The following PUS10 variants were observed in gnomAD, a reference collection of about 807,000 sequenced individuals.
PUS10 encodes tRNA pseudouridine synthase Pus10.
A neutral mutation model predicts 75.0 loss-of-function variants in PUS10; 59 were observed. That is an observed-to-expected ratio of 0.79 (90% confidence interval 0.64 to 0.98). The LOEUF (loss-of-function observed/expected upper bound fraction) is 0.98, where lower values mean the gene tolerates loss of function less well. Among genes scored for constraint, PUS10 ranks in the 50% least tolerant of loss-of-function variants. PUS10 has a pLI of 0.00. For missense variants in PUS10, 650 were observed against 614.4 expected, an observed-to-expected ratio of 1.06 and a Z score of -0.61; for synonymous variants, 219 against 211.6, an observed-to-expected ratio of 1.03 and a Z score of -0.30.
intron 17 of PUS10, among the ~76,000 whole-genome samples, chr2:60,944,703 T>A (rs989521788): frequency 1.3e-5 from 2 of 152,300 alleles, no homozygotes; most frequent in South Asian, 4.1e-4. Context: ...TGCTTTAAAG[T>A]CTTTATAAAA....
intron 3 of PUS10, among the ~76,000 whole-genome samples, chr2:61,008,389 G>A (rs1219065117): frequency 6.6e-6 from 1 of 152,106 alleles, no homozygotes; most frequent in African/African-American, 2.4e-5. Flanking sequence ...CAGGCATGAG[G>A]CTGAGGCAGG....
intron 12 of PUS10, 128 bp downstream of exon 12, chr2:60,954,890 C>G (rs1675554762): frequency 1.9e-6 from 1 of 524,716 alleles, no homozygotes; most frequent in Non-Finnish European, 3.3e-6. Flanking sequence ...CACAAAGCTT[C>G]CTCCCTTGGA....
chr2:61,012,936 G>T (rs1679722469), intron 1 of PUS10, among the ~76,000 whole-genome samples: 1 of 137,598 alleles, frequency 7.3e-6, no homozygotes, highest in African/African-American at 2.7e-5. Context: ...CCACCTTTCT[G>T]AGTAAAAACT....
At chr2:61,006,744 C>G (rs1205104235) in intron 3 of PUS10, 101 bp from the exon 4 acceptor site, 1 of 812,688 alleles carries the variant, frequency 1.2e-6, no homozygotes, top group Non-Finnish European at 1.9e-6. Flanking sequence ...GATGACATGG[C>G]AAAACTTCCA....
chr2:60,971,703 C>G, intron 4 of PUS10, 146 bp from the exon 5 acceptor site: 1 of 719,732 alleles, frequency 1.4e-6, no homozygotes, highest in Non-Finnish European at 2.4e-6. Flanking sequence ...AAAAATTTAC[C>G]AGTGACCTCA....
At chr2:60,952,525 C>G (rs1381177449) in intron 15 of PUS10, among the ~76,000 whole-genome samples, 2 of 152,086 alleles carry the variant, frequency 1.3e-5, no homozygotes, top group African/African-American at 4.8e-5. Flanking sequence ...TATTTAATCT[C>G]AGCATCAGTT....
At chr2:61,017,644 G>C (rs917510995) in intron 1 of PUS10, 1 of 746,120 alleles carries the variant, frequency 1.3e-6, no homozygotes, top group South Asian at 1.7e-5. Flanking sequence ...TGACTGCAAG[G>C]GTGGGCGGGG....
Position 60,953,792 on chromosome 2 carries a change from A to G in PUS10, c.1190+141T>C, listed in dbSNP as rs938561406. 1.1e-5 allele frequency: 7 copies of G among 664,438 alleles called. No homozygotes were observed. In the South Asian group the frequency reaches 1.3e-4, roughly 12 times the overall value. 41.2% of individuals were successfully genotyped at this position (664,438 alleles called of 1,614,324 possible). On this transcript the variant is annotated intron_variant, in intron 14 of 17. Transcript: ENST00000316752. The stretch of plus-strand genomic sequence containing the variant: ...CTATTCCTATATCCTCCTTGGAGAA[A>G]TGTCTACTTAATCATTTCCCCATTT...
intron 2 of PUS10, 111 bp downstream of exon 2, chr2:61,011,654 T>A: frequency 1.4e-6 from 1 of 738,164 alleles, no homozygotes; most frequent in Non-Finnish European, 2.0e-6. Context: ...AGTTTTTTAA[T>A]TTAAAAAAGA....
At chr2:60,979,102 AACACATACACAT>A (rs61436873) in intron 4 of PUS10, among the ~76,000 whole-genome samples, 11,520 of 149,362 alleles carry the variant, frequency 0.077, 573 homozygotes, top group African/African-American at 0.13. Flanking sequence ...CTCTTCTCCC[AACACATACACAT>A]ACACATACAC....
Position 60,960,469 on chromosome 2 carries a change from A to T in PUS10, c.923T>A (p.Ile308Asn). The change falls in exon 11 of 18, where the codon ATT (isoleucine) becomes AAT (asparagine). Residue 308 changes from isoleucine to asparagine, a missense_variant. Ile to Asn is a moderately radical substitution (Grantham distance 149). Coordinates refer to ENST00000316752, the MANE Select transcript of PUS10 (RefSeq NM_144709.4). ...AGATTCCAGCTTCCTTTCTCCATCA[A>T]TTATCCAAGGAGTTTGTGGTAGATT... ...SRNLPQTPWI[I>N]DGERKLESSV... The T allele has an allele frequency of 1.9e-6, 3 of 1,574,010 alleles. No homozygotes were observed. The highest frequency in any genetic ancestry group is 2.6e-6 in the Non-Finnish European group (3 of 1,165,510).
chr2:60,966,554 C>G (rs1205495311), intron 6 of PUS10: 2 of 152,184 alleles, frequency 1.3e-5, no homozygotes, highest in Admixed American at 1.3e-4. Context: ...TCTGTTCTCA[C>G]TGATACAACA....
At chr2:60,960,806 C>T (rs1205560579) in intron 10 of PUS10, among the ~76,000 whole-genome samples, 1 of 136,772 alleles carries the variant, frequency 7.3e-6, no homozygotes, top group Non-Finnish European at 1.5e-5. Context: ...GATTGGCTGA[C>T]TAAACAAGTT....
At chr2:60,947,701 C>G (rs568835190) in intron 16 of PUS10, among the ~76,000 whole-genome samples, 1 of 151,616 alleles carries the variant, frequency 6.6e-6, no homozygotes, top group Non-Finnish European at 1.5e-5. Flanking sequence ...TGGTGGCAGG[C>G]GCCTGTAGTC....
chr2:60,960,576 A>C, intron 10 of PUS10, 59 bp from the exon 11 acceptor site: 3 of 1,493,572 alleles, frequency 2.0e-6, no homozygotes, highest in Non-Finnish European at 2.7e-6. Context: ...TGGTAGGATA[A>C]AAAGAGAAGC....
At chr2:61,003,258 T>A (rs1678968852) in intron 4 of PUS10, among the ~76,000 whole-genome samples, 1 of 152,108 alleles carries the variant, frequency 6.6e-6, no homozygotes, top group Non-Finnish European at 1.5e-5. Flanking sequence ...GATCAGGAGT[T>A]TGAGACCAGC....
In PUS10 at chr2:60,961,664, T is replaced by C. The variant is rs1404826535; in HGVS notation, c.789-116A>G. 4 of 877,936 alleles carry C rather than the reference T, an allele frequency of 4.6e-6. No individual in the cohort carries two copies. In the East Asian group the frequency reaches 7.3e-5, roughly 16 times the overall value. The allele number at this position is 877,936 out of a possible 1,614,324, so 54.4% of individuals were successfully genotyped here. Reference sequence around the variant, plus strand: ...AGAGCCCAAGTCTCTCTCTAACTTTTAGTTTCGCAACAATACAGGTCTTGC... The same window carrying C: ...AGAGCCCAAGTCTCTCTCTAACTTTCAGTTTCGCAACAATACAGGTCTTGC... On this transcript the variant is annotated intron_variant, in intron 9 of 17. Transcript: ENST00000316752.
At chr2:60,960,115 G>A (rs1675923904) in intron 11 of PUS10, among the ~76,000 whole-genome samples, 1 of 142,386 alleles carries the variant, frequency 7.0e-6, no homozygotes, top group Non-Finnish European at 1.5e-5. Flanking sequence ...CTGGGAGATT[G>A]AGGCTGCACT....
At chr2:60,992,233 C>A (rs6714294) in intron 4 of PUS10, among the ~76,000 whole-genome samples, 13,489 of 152,018 alleles carry the variant, frequency 0.089, 1,982 homozygotes, top group African/African-American at 0.31. Context: ...CCAAGCTGGT[C>A]GTGAACTTCT....
Sources: gnomAD v4.1 joint callset for allele counts (sites outside exome capture counted in the v4.1 genomes callset) on GRCh38, gnomAD v4.1.1 for gene constraint, MANE v1.5 for transcripts, NCBI Gene and HGNC (gene_info 2026-07-23, HGNC 2026-07-21) for gene names.